The following PDSS2 variants were observed in gnomAD, a reference collection of about 807,000 sequenced individuals.
PDSS2 encodes the protein decaprenyl diphosphate synthase subunit 2, also known as all trans-polyprenyl-diphosphate synthase PDSS2.
PDSS2 carries 31 observed loss-of-function variants against 44.5 expected under a neutral mutation model. The ratio of observed to expected loss-of-function variants is 0.70; its 90% CI spans 0.52 to 0.94. The LOEUF (loss-of-function observed/expected upper bound fraction) is 0.94. Among genes scored for constraint, PDSS2 ranks in the 40% least tolerant of loss-of-function variants. The pLI, the probability that PDSS2 is intolerant of heterozygous loss-of-function variation, is 0.00. For missense variants in PDSS2, 452 were observed against 482.2 expected, an observed-to-expected ratio of 0.94 and a Z score of 0.59; for synonymous variants, 157 against 180.3, an observed-to-expected ratio of 0.87 and a Z score of 1.03.
chr6:107,298,599 C>T (rs1043847252), intron 2 of PDSS2, among the ~76,000 whole-genome samples: 1 of 152,066 alleles, frequency 6.6e-6, no homozygotes, highest in African/African-American at 2.4e-5. Flanking sequence ...CATAGTGTAG[C>T]TTTATATACA....
At chr6:107,165,672 T>G (rs2114326833) in intron 7 of PDSS2, among the ~76,000 whole-genome samples, 1 of 152,194 alleles carries the variant, frequency 6.6e-6, no homozygotes, top group South Asian at 2.1e-4. Context: ...CCATATGAAC[T>G]TTAAAGTAGT....
rs562563330 is a variant in PDSS2, at chr6:107,280,105, G to A, written c.432-5878C>T. On this transcript the variant is annotated intron_variant, in intron 2 of 7. Coordinates refer to ENST00000369037, the MANE Select transcript of PDSS2 (RefSeq NM_020381.4). ...GATGGAGTCTTGCTCTGTCACCCAG[G>A]CTGGAGTGCAGTAACGTGATCTCGG... 1.7e-4 allele frequency among the ~76,000 whole-genome samples: 26 copies of A among 152,138 alleles called. 1 individual carries two copies. The South Asian group carries it at 5.4e-3, about 32-fold the overall frequency.
At chr6:107,274,779 C>A (rs577764750) in intron 2 of PDSS2, among the ~76,000 whole-genome samples, 1 of 146,888 alleles carries the variant, frequency 6.8e-6, no homozygotes, top group African/African-American at 2.5e-5. Context: ...CTCAAATAAT[C>A]TTCCCACTTC....
chr6:107,334,673 T>C (rs1311654764), intron 1 of PDSS2, among the ~76,000 whole-genome samples: 1 of 145,974 alleles, frequency 6.9e-6, no homozygotes, highest in African/African-American at 2.6e-5. Flanking sequence ...CCCTAGTAGC[T>C]GGAACTTTAG....
intron 2 of PDSS2, among the ~76,000 whole-genome samples, chr6:107,306,303 A>G (rs1399513293): frequency 1.2e-4 from 19 of 152,172 alleles, no homozygotes; most frequent in Admixed American, 1.2e-3. Context: ...TTCTCGTGAT[A>G]GTGAATAAGT....
intron 2 of PDSS2, among the ~76,000 whole-genome samples, chr6:107,292,189 T>C (rs1174406835): frequency 1.4e-5 from 2 of 145,050 alleles, no homozygotes; most frequent in Non-Finnish European, 3.0e-5. Flanking sequence ...GAAAAACAAA[T>C]ATAAAGACAA....
intron 2 of PDSS2, among the ~76,000 whole-genome samples, 196 bp downstream of exon 2, chr6:107,334,002 A>T (rs913736809): frequency 6.6e-6 from 1 of 152,238 alleles, no homozygotes; most frequent in South Asian, 2.1e-4. Context: ...AAATGTGTGA[A>T]GAAATTTACC....
intron 1 of PDSS2, among the ~76,000 whole-genome samples, chr6:107,378,613 C>T (rs1471554874): frequency 2.0e-5 from 3 of 151,996 alleles, no homozygotes; most frequent in Non-Finnish European, 1.5e-5. Context: ...TAATGAAATC[C>T]GTTCTTTACT....
At chr6:107,368,061 G>A (rs1582999014) in intron 1 of PDSS2, among the ~76,000 whole-genome samples, 1 of 152,022 alleles carries the variant, frequency 6.6e-6, no homozygotes, top group African/African-American at 2.4e-5. Context: ...ATGAGGTCAA[G>A]AGATGGAGAC....
At chr6:107,291,525 GT>G (rs71012791) in intron 2 of PDSS2, among the ~76,000 whole-genome samples, 74,967 of 132,648 alleles carry the variant, frequency 0.57, 20,877 homozygotes, top group Middle Eastern at 0.7. Flanking sequence ...TTTTTAGTTA[GT>G]TTTTTTTTTT....
At chr6:107,155,877 CTTTTTTTTTTTTTTTTT>C (rs60840656) in intron 7 of PDSS2, among the ~76,000 whole-genome samples, 4 of 51,668 alleles carry the variant, frequency 7.7e-5, no homozygotes, top group East Asian at 1.0e-3. Context: ...CTTGCCCGGC[CTTTTTTTTTTTTTTTTT>C]TTTTTTTTTT....
chr6:107,291,871 G>GCC (rs1776360605), intron 2 of PDSS2, among the ~76,000 whole-genome samples: 1 of 151,902 alleles, frequency 6.6e-6, no homozygotes, highest in African/African-American at 2.4e-5. Context: ...AAAGAAAAAA[G>GCC]AAAAATGCCA....
intron 2 of PDSS2, among the ~76,000 whole-genome samples, chr6:107,281,578 G>A (rs557073652): frequency 3.9e-5 from 6 of 152,158 alleles, no homozygotes; most frequent in African/African-American, 1.2e-4. Flanking sequence ...ATTTAACATC[G>A]CTACTGAGGT....
chr6:107,367,925 A>C (rs1779009472), intron 1 of PDSS2, among the ~76,000 whole-genome samples: 1 of 152,128 alleles, frequency 6.6e-6, no homozygotes, highest in Admixed American at 6.5e-5. Flanking sequence ...TACTAGAATT[A>C]ATACATGAAT....
At chr6:107,400,814 T>G (rs1780083929) in intron 1 of PDSS2, among the ~76,000 whole-genome samples, 1 of 152,162 alleles carries the variant, frequency 6.6e-6, no homozygotes, top group African/African-American at 2.4e-5. Context: ...AGCACAGACT[T>G]GCCTGGCCCA....
chr6:107,450,893 C>A (rs973416059), intron 1 of PDSS2, among the ~76,000 whole-genome samples: 1 of 152,212 alleles, frequency 6.6e-6, no homozygotes, highest in Non-Finnish European at 1.5e-5. Flanking sequence ...TGCAATGGCA[C>A]GATCATGGCT....
chr6:107,277,235 G>C (rs1424363735), intron 2 of PDSS2, among the ~76,000 whole-genome samples: 1 of 152,222 alleles, frequency 6.6e-6, no homozygotes, highest in East Asian at 1.9e-4. Flanking sequence ...GGAAAGGCAA[G>C]TAAGATTTCC....
intron 7 of PDSS2, among the ~76,000 whole-genome samples, chr6:107,155,332 A>T (rs1301463300): frequency 6.6e-6 from 1 of 151,636 alleles, no homozygotes; most frequent in African/African-American, 2.4e-5. Context: ...TTTTTAGTAG[A>T]GACAGCGTTT....
chr6:107,428,657 C>T (rs1781078165), intron 1 of PDSS2, among the ~76,000 whole-genome samples: 1 of 152,032 alleles, frequency 6.6e-6, no homozygotes, highest in African/African-American at 2.4e-5. Flanking sequence ...GTGAAACTCC[C>T]CCATCTTTAC....
Sources: gnomAD v4.1 joint callset for allele counts (sites outside exome capture counted in the v4.1 genomes callset) on GRCh38, gnomAD v4.1.1 for gene constraint, MANE v1.5 for transcripts, NCBI Gene and HGNC (gene_info 2026-07-23, HGNC 2026-07-21) for gene names.